ART3: variants seen among roughly 807,000 people sequenced by gnomAD.
The protein encoded by ART3 is ecto-ADP-ribosyltransferase 3.
ART3 carries 49 observed loss-of-function variants against 48.5 expected under a neutral mutation model. The observed-to-expected ratio is 1.01, with a 90% confidence interval of 0.80 to 1.28. ART3 has a LOEUF of 1.28. Ranked by LOEUF, ART3 falls within the 50% of genes most tolerant of loss-of-function variation. ART3 has a pLI of 0.00. For synonymous variants in ART3, 145 were observed against 157.2 expected, an observed-to-expected ratio of 0.92 and a Z score of 0.58; for missense variants, 438 against 454.3, an observed-to-expected ratio of 0.96 and a Z score of 0.33.
At chr4:76,029,673 T>C (rs1733705092) in intron 1 of ART3, among the ~76,000 whole-genome samples, 1 of 137,492 alleles carries the variant, frequency 7.3e-6, no homozygotes. Flanking sequence ...TTTTCAGAAA[T>C]AGATACAAAG....
chr4:76,047,572 C>T (rs1301379702), intron 1 of ART3, among the ~76,000 whole-genome samples: 1 of 151,916 alleles, frequency 6.6e-6, no homozygotes, highest in Non-Finnish European at 1.5e-5. Context: ...AATTCATGGG[C>T]TTTTTTCTAA....
chr4:76,045,242 C>G (rs556266868), intron 1 of ART3, among the ~76,000 whole-genome samples: 4 of 152,108 alleles, frequency 2.6e-5, no homozygotes, highest in Middle Eastern at 6.8e-3. Flanking sequence ...TAAGTCTGGA[C>G]TATAATTTGT....
rs564736100 is a variant in ART3 at position 76,025,157 on chromosome 4, C to T, written c.-10+13837C>T. 9.2e-4 allele frequency among the ~76,000 whole-genome samples: 139 copies of T among 151,616 alleles called. 1 individual carries two copies. The highest frequency in any genetic ancestry group is 3.2e-3 in the African/African-American group (134 of 41,300). On this transcript the variant is annotated intron_variant, in intron 1 of 9. Transcript: ENST00000341029. ...AAAAGACTTTCACCTAGCAAAGAGG[C>T]GTTCGTTCTGATGAGGGAAAGTCTT...
chr4:76,110,757 T>A (rs548757237), intron 11 of ART3, among the ~76,000 whole-genome samples: 110 of 151,454 alleles, frequency 7.3e-4, no homozygotes, highest in African/African-American at 1.3e-3. Flanking sequence ...GGATTTTTTT[T>A]AAATAAATAT....
At chr4:76,075,773 G>C in intron 1 of ART3, 108 bp from the exon 2 acceptor site, 1 of 783,136 alleles carries the variant, frequency 1.3e-6, no homozygotes. Context: ...TGACCATCAT[G>C]CTATCCACTC....
At chr4:76,066,368 G>A (rs1719736101) in intron 1 of ART3, among the ~76,000 whole-genome samples, 1 of 152,144 alleles carries the variant, frequency 6.6e-6, no homozygotes, top group African/African-American at 2.4e-5. Context: ...GAGACCCACA[G>A]TGGGTAGCTC....
intron 1 of ART3, among the ~76,000 whole-genome samples, chr4:76,030,052 C>G (rs1380900432): frequency 6.6e-6 from 1 of 151,984 alleles, no homozygotes; most frequent in Non-Finnish European, 1.5e-5. Context: ...TTCTTTTTTG[C>G]ATCTTCAACT....
At chr4:76,031,998 A>G (rs1444749850) in intron 1 of ART3, among the ~76,000 whole-genome samples, 1 of 152,226 alleles carries the variant, frequency 6.6e-6, no homozygotes, top group East Asian at 1.9e-4. Context: ...ATTAGTAGGC[A>G]TTAGCTTAGT....
chr4:76,028,495 A>C (rs1366384843), intron 1 of ART3, among the ~76,000 whole-genome samples: 4 of 152,252 alleles, frequency 2.6e-5, no homozygotes, highest in Non-Finnish European at 5.9e-5. Flanking sequence ...GCCCTGACAA[A>C]CTAATGAGCA....
At chr4:76,046,241 GAGTC>G (rs1735489276) in intron 1 of ART3, among the ~76,000 whole-genome samples, 1 of 152,012 alleles carries the variant, frequency 6.6e-6, no homozygotes, top group Admixed American at 6.5e-5. Flanking sequence ...GAGAAACTGG[GAGTC>G]AGAGTGCAGG....
intron 3 of ART3, among the ~76,000 whole-genome samples, chr4:76,093,283 C>T (rs1725313698): frequency 6.6e-6 from 1 of 152,042 alleles, no homozygotes; most frequent in Non-Finnish European, 1.5e-5. Flanking sequence ...AAAAAGTATC[C>T]AGGCATGGTG....
At chr4:76,017,126 T>G (rs932725577) in intron 1 of ART3, among the ~76,000 whole-genome samples, 1 of 152,122 alleles carries the variant, frequency 6.6e-6, no homozygotes, top group Non-Finnish European at 1.5e-5. Context: ...TTCCTTCTGC[T>G]TTTCTCAAGC....
At chr4:76,065,289 AT>A (rs1382510144) in intron 1 of ART3, among the ~76,000 whole-genome samples, 5 of 152,134 alleles carry the variant, frequency 3.3e-5, no homozygotes, top group Non-Finnish European at 7.3e-5. Context: ...TTGTATTATT[AT>A]TGTATACTTT....
intron 11 of ART3, chr4:76,111,773 C>CTAGTTGGAG (rs1440777099): frequency 6.6e-6 from 1 of 152,520 alleles, no homozygotes; most frequent in Admixed American, 6.5e-5. Context: ...ATCTCCTGAC[C>CTAGTTGGAG]TCATGATGTG....
At chr4:76,050,311 G>C (rs1004204750) in intron 1 of ART3, among the ~76,000 whole-genome samples, 18 of 152,056 alleles carry the variant, frequency 1.2e-4, no homozygotes, top group African/African-American at 4.1e-4. Context: ...CTGATAGGTG[G>C]GTTTACAATC....
At chr4:76,015,867 G>A (rs774869506) in intron 1 of ART3, among the ~76,000 whole-genome samples, 3 of 152,208 alleles carry the variant, frequency 2.0e-5, no homozygotes, top group Admixed American at 6.5e-5. Context: ...GGGCTCAAGC[G>A]ATCCTCTGGC....
chr4:76,082,046 C>T lies in ART3; in HGVS notation c.292C>T (p.Leu98=). ...MNFKDNHGIA[L]MAYISEAQEQ... ...TTTTAAGGATAACCATGGAATAGCCCTGATGGCATATATTTCCGAAGCTCA... is the reference window on the plus strand; with the variant it reads ...TTTTAAGGATAACCATGGAATAGCCTTGATGGCATATATTTCCGAAGCTCA... The change falls in exon 3 of 12, where the codon CTG becomes TTG. Residue 98 remains leucine, a synonymous_variant. Coordinates refer to ENST00000355810, the MANE Select transcript of ART3 (RefSeq NM_001130016.3). 3 of 1,614,190 alleles carry T rather than the reference C, an allele frequency of 1.9e-6. No homozygotes were observed. The highest frequency in any genetic ancestry group is 2.5e-6 in the Non-Finnish European group (3 of 1,180,038).
intron 8 of ART3, 105 bp from the exon 9 acceptor site, chr4:76,103,829 CTTT>C (rs33952924): frequency 1.3e-4 from 100 of 775,174 alleles, no homozygotes; most frequent in Middle Eastern, 2.8e-4. Context: ...TTCCCCCTGC[CTTT>C]TTTTTTTTTT....
chr4:76,062,157 C>T (rs1719276768), intron 1 of ART3, among the ~76,000 whole-genome samples: 1 of 152,166 alleles, frequency 6.6e-6, no homozygotes, highest in Non-Finnish European at 1.5e-5. Flanking sequence ...ATGTAATCAT[C>T]CACTGTTCTT....
Sources: allele counts gnomAD v4.1 joint callset (sites outside exome capture counted in the v4.1 genomes callset), GRCh38; gene constraint gnomAD v4.1.1; transcripts MANE v1.5; gene names NCBI Gene and HGNC (gene_info 2026-07-23, HGNC 2026-07-21).